STYK1: variants seen among roughly 807,000 people sequenced by gnomAD.
The protein encoded by STYK1 is tyrosine-protein kinase STYK1.
In STYK1, 46 loss-of-function variants were observed where a neutral mutation model predicts 48.1. The ratio of observed to expected loss-of-function variants is 0.96; its 90% CI spans 0.75 to 1.22. The LOEUF (loss-of-function observed/expected upper bound fraction) is 1.22. Ranked by LOEUF, STYK1 falls within the 50% of genes most tolerant of loss-of-function variation. The pLI, the probability that STYK1 is intolerant of heterozygous loss-of-function variation, is 0.00. For missense variants in STYK1, 527 were observed against 521.1 expected, an observed-to-expected ratio of 1.01 and a Z score of -0.11; for synonymous variants, 188 against 189.0, an observed-to-expected ratio of 0.99 and a Z score of 0.04.
rs1865867455 is a variant in STYK1 at position 10,619,309 on chromosome 12, A to C, written c.*835T>G. 6.6e-6 allele frequency: 1 copy of C among 151,706 alleles called. No homozygotes were observed. The highest frequency in any genetic ancestry group is 6.6e-5 in the Admixed American group (1 of 15,180). 9.4% of individuals were successfully genotyped at this position (151,706 alleles called of 1,614,324 possible). A position where few individuals can be genotyped will look rare whatever the true frequency, so the allele number is the denominator to read the frequency against. The stretch of plus-strand genomic sequence containing the variant: ...AGCCCTTGTTAAAGACTGAGCTACT[A>C]AGCCTTCTTGCTTGGTTTCTACATT... On this transcript the variant is annotated 3_prime_UTR_variant, in exon 11 of 11. Transcript: ENST00000075503.
intron 1 of STYK1, among the ~76,000 whole-genome samples, chr12:10,646,365 G>C (rs1482878397): frequency 3.9e-5 from 6 of 152,186 alleles, no homozygotes; most frequent in African/African-American, 1.4e-4. Flanking sequence ...AGTGACTCTT[G>C]TTATGTTTTA....
intron 1 of STYK1, among the ~76,000 whole-genome samples, chr12:10,642,485 GTT>G (rs1371170302): frequency 6.6e-6 from 1 of 152,138 alleles, no homozygotes; most frequent in Non-Finnish European, 1.5e-5. Flanking sequence ...ATCAATATGT[GTT>G]AGTCTCCCTC....
At chr12:10,640,382 G>A (rs1329291694) in intron 1 of STYK1, among the ~76,000 whole-genome samples, 9 of 152,172 alleles carry the variant, frequency 5.9e-5, no homozygotes, top group Non-Finnish European at 7.3e-5. Context: ...CCAGAGAAGC[G>A]TATTTGTGTA....
At chr12:10,627,746 G>C in intron 6 of STYK1, 22 bp from the exon 7 acceptor site, 1 of 1,585,470 alleles carries the variant, frequency 6.3e-7, no homozygotes, top group African/African-American at 1.4e-5. Context: ...GGGAAAAAAA[G>C]CCATTATATC....
chr12:10,634,198 C>A, intron 3 of STYK1, 74 bp from the exon 4 acceptor site: 1 of 1,531,500 alleles, frequency 6.5e-7, no homozygotes, highest in Non-Finnish European at 8.8e-7. Context: ...TTCCCCTACC[C>A]GCCAGCTCTC....
intron 2 of STYK1, among the ~76,000 whole-genome samples, 161 bp downstream of exon 2, chr12:10,636,910 A>G (rs1298074839): frequency 6.6e-6 from 1 of 152,158 alleles, no homozygotes; most frequent in Non-Finnish European, 1.5e-5. Flanking sequence ...GAGTCGTTTA[A>G]AGCCATGTGT....
chr12:10,624,462 A>G (rs1292942674), intron 8 of STYK1, among the ~76,000 whole-genome samples, 189 bp downstream of exon 8: 1 of 152,082 alleles, frequency 6.6e-6, no homozygotes, highest in Middle Eastern at 3.2e-3. Context: ...AAGTTGAAAA[A>G]GTACCAAAAA....
At chr12:10,664,025 C>T (rs1274333361) in intron 1 of STYK1, among the ~76,000 whole-genome samples, 14 of 152,242 alleles carry the variant, frequency 9.2e-5, no homozygotes, top group East Asian at 1.9e-4. Flanking sequence ...GTTCTGTCTC[C>T]GAAAGAATCT....
intron 1 of STYK1, among the ~76,000 whole-genome samples, chr12:10,662,739 G>C (rs1011777670): frequency 3.9e-5 from 6 of 152,020 alleles, no homozygotes; most frequent in African/African-American, 1.4e-4. Context: ...TAAGTACCCA[G>C]TATATAGTCC....
At position 10,631,279 on chromosome 12, in the gene STYK1, G is replaced by C. The variant is rs1274528960; in HGVS notation, c.217C>G (p.Leu73Val). ...CCTCCATGTCCTGCTTCCCAGCTTA[G>C]GTCCCTAGGTGGAGGAACAGGGGCA... ...GIAPVPPPRDLSWEAGHGGNV... is the reference protein window; with the variant it reads ...GIAPVPPPRDVSWEAGHGGNV... The change falls in exon 5 of 11, where the codon CTA (leucine) becomes GTA (valine). Residue 73 changes from leucine (L) to valine (V), a missense_variant. By Grantham distance (32) the Leu-to-Val change is conservative. Transcript: ENST00000075503. The C allele has an allele frequency of 2.5e-6, 4 of 1,614,202 alleles. No homozygotes were observed. The highest frequency in any genetic ancestry group is 3.4e-6 in the Non-Finnish European group (4 of 1,180,030).
chr12:10,664,208 C>T (rs904356605), intron 1 of STYK1, among the ~76,000 whole-genome samples: 1 of 152,128 alleles, frequency 6.6e-6, no homozygotes, highest in East Asian at 1.9e-4. Flanking sequence ...TGTCAGAACC[C>T]AGCTCATTTT....
At chr12:10,653,684 C>T (rs1318015345) in intron 1 of STYK1, among the ~76,000 whole-genome samples, 2 of 152,158 alleles carry the variant, frequency 1.3e-5, no homozygotes, top group Non-Finnish European at 2.9e-5. Context: ...GCTACAGGAA[C>T]ATCAAGAAGT....
intron 3 of STYK1, 75 bp from the exon 4 acceptor site, chr12:10,634,199 G>A (rs979063107): frequency 9.3e-6 from 14 of 1,509,074 alleles, no homozygotes; most frequent in African/African-American, 5.5e-5. Flanking sequence ...TCCCCTACCC[G>A]CCAGCTCTCA....
intron 1 of STYK1, among the ~76,000 whole-genome samples, chr12:10,662,201 T>A (rs4763572): frequency 0.28 from 43,160 of 152,082 alleles, 7,713 homozygotes; most frequent in East Asian, 0.69. Context: ...AGAACTTCGT[T>A]CCTTTTTGAG....
At chr12:10,644,986 G>T (rs900721182) in intron 1 of STYK1, among the ~76,000 whole-genome samples, 2 of 152,130 alleles carry the variant, frequency 1.3e-5, no homozygotes, top group Admixed American at 6.5e-5. Context: ...GCCTAGGAAA[G>T]AATCCATGGA....
intron 1 of STYK1, among the ~76,000 whole-genome samples, chr12:10,642,859 A>G (rs952528193): frequency 6.6e-6 from 1 of 152,226 alleles, no homozygotes; most frequent in Non-Finnish European, 1.5e-5. Flanking sequence ...AGAATGCTAG[A>G]TAGTGGTATG....
intron 1 of STYK1, among the ~76,000 whole-genome samples, chr12:10,642,538 T>C (rs1277747009): frequency 6.6e-6 from 1 of 152,142 alleles, no homozygotes; most frequent in African/African-American, 2.4e-5. Flanking sequence ...AGTTGGGAAA[T>C]AGTCACATAG....
chr12:10,644,715 G>A (rs1011523361), intron 1 of STYK1, among the ~76,000 whole-genome samples: 1 of 152,186 alleles, frequency 6.6e-6, no homozygotes, highest in Non-Finnish European at 1.5e-5. Flanking sequence ...AGTGGTTGTA[G>A]AAGGTAAGAA....
intron 1 of STYK1, among the ~76,000 whole-genome samples, chr12:10,656,292 T>C (rs1947717246): frequency 1.3e-5 from 2 of 151,970 alleles, no homozygotes; most frequent in Admixed American, 6.5e-5. Context: ...CTTTTGTAAA[T>C]TGTCCAGTCT....
Sources: allele counts gnomAD v4.1 joint callset (sites outside exome capture counted in the v4.1 genomes callset), GRCh38; gene constraint gnomAD v4.1.1; transcripts MANE v1.5; gene names NCBI Gene and HGNC (gene_info 2026-07-23, HGNC 2026-07-21).